Variants in TAOK3 observed in about 807,000 individuals in gnomAD.
The protein encoded by TAOK3 is TAO kinase 3.
A neutral mutation model predicts 120.4 loss-of-function variants in TAOK3; 40 were observed. The observed-to-expected ratio is 0.33, with a 90% CI of 0.26 to 0.43. The LOEUF is 0.43. Ranked by LOEUF, TAOK3 falls within the 20% of genes least tolerant of loss-of-function variation. The pLI, the probability that TAOK3 is intolerant of heterozygous loss-of-function variation, is 1.00. For missense variants in TAOK3, 821 were observed against 1,112.1 expected (o/e 0.74, Z 3.72); for synonymous variants, 355 against 387.5 (o/e 0.92, Z 0.99).
chr12:118,341,775 G>T (rs2044630004), intron 1 of TAOK3, among the ~76,000 whole-genome samples: 1 of 152,204 alleles, frequency 6.6e-6, no homozygotes, highest in African/African-American at 2.4e-5. Context: ...AATAATCCCA[G>T]CACTTTGGGA....
intron 1 of TAOK3, among the ~76,000 whole-genome samples, chr12:118,361,569 T>G (rs1263177726): frequency 2.8e-5 from 4 of 143,432 alleles, no homozygotes; most frequent in Non-Finnish European, 5.9e-5. Flanking sequence ...GCGATTCTCA[T>G]GCCTCAGCCT....
intron 17 of TAOK3, among the ~76,000 whole-genome samples, chr12:118,162,658 A>T (rs2035296957): frequency 6.6e-6 from 1 of 151,984 alleles, no homozygotes; most frequent in African/African-American, 2.4e-5. Flanking sequence ...AGTTCAAGGC[A>T]TGTTGGGGAA....
At chr12:118,344,416 C>T (rs1478466015) in intron 1 of TAOK3, among the ~76,000 whole-genome samples, 2 of 151,868 alleles carry the variant, frequency 1.3e-5, no homozygotes, top group Non-Finnish European at 2.9e-5. Flanking sequence ...GTAACACATC[C>T]ATTCATCTTG....
At chr12:118,166,741 CA>C (rs1035056711) in intron 17 of TAOK3, among the ~76,000 whole-genome samples, 1 of 151,196 alleles carries the variant, frequency 6.6e-6, no homozygotes, top group African/African-American at 2.4e-5. Flanking sequence ...ATGAGCTGAG[CA>C]AAAACTAAAA....
intron 3 of TAOK3, among the ~76,000 whole-genome samples, chr12:118,253,756 A>AAAC (rs1491548390): frequency 6.2e-3 from 6 of 966 alleles, no homozygotes; most frequent in African/African-American, 0.021. Flanking sequence ...ACAAACAAAC[A>AAAC]AAAAAAAAAA....
At chr12:118,355,707 T>C (rs2045363097) in intron 1 of TAOK3, among the ~76,000 whole-genome samples, 1 of 152,268 alleles carries the variant, frequency 6.6e-6, no homozygotes, top group Non-Finnish European at 1.5e-5. Flanking sequence ...GGTGAAGCTA[T>C]GAATGAGAAC....
intron 1 of TAOK3, among the ~76,000 whole-genome samples, chr12:118,344,548 C>T (rs113086508): frequency 2.4e-3 from 370 of 152,054 alleles, no homozygotes; most frequent in East Asian, 0.01. Flanking sequence ...TATTCAATAA[C>T]GCAAAAAATA....
At chr12:118,234,797 C>G (rs1374192147) in intron 8 of TAOK3, among the ~76,000 whole-genome samples, 1 of 152,160 alleles carries the variant, frequency 6.6e-6, no homozygotes, top group Non-Finnish European at 1.5e-5. Context: ...ATACTAAAAC[C>G]TACAAAAACC....
intron 1 of TAOK3, among the ~76,000 whole-genome samples, chr12:118,288,957 A>G (rs1418648333): frequency 1.3e-5 from 2 of 150,832 alleles, no homozygotes; most frequent in Non-Finnish European, 3.0e-5. Context: ...AAAGAAAGAT[A>G]GCATGCTTAG....
intron 17 of TAOK3, 32 bp from the exon 18 acceptor site, chr12:118,162,059 A>C (rs1451821562): frequency 7.5e-6 from 12 of 1,605,172 alleles, no homozygotes; most frequent in Non-Finnish European, 9.4e-6. Flanking sequence ...AAACGGAGAG[A>C]GGTGAATGGA....
chr12:118,356,968 A>C (rs1378659315), intron 1 of TAOK3, among the ~76,000 whole-genome samples: 1 of 152,182 alleles, frequency 6.6e-6, no homozygotes, highest in Non-Finnish European at 1.5e-5. Flanking sequence ...TTTAAGACTA[A>C]CTAGGTTGGT....
intron 2 of TAOK3, 27 bp from the exon 3 acceptor site, chr12:118,255,682 A>C (rs1040040442): frequency 3.6e-6 from 4 of 1,118,186 alleles, no homozygotes; most frequent in Non-Finnish European, 5.0e-6. Flanking sequence ...TTTGCCATTA[A>C]ATTATTTCTA....
intron 3 of TAOK3, among the ~76,000 whole-genome samples, chr12:118,247,891 T>A (rs1057379448): frequency 6.6e-6 from 1 of 152,192 alleles, no homozygotes; most frequent in African/African-American, 2.4e-5. Flanking sequence ...ATTAAAAGAT[T>A]ACCTCTGCAT....
Position 118,217,816 on chromosome 12 carries a change from C to CATAT in TAOK3, c.644-3710_644-3707dup, listed in dbSNP as rs57197721. Among the ~76,000 whole-genome samples, 430 of 45,800 alleles carry CATAT rather than the reference C, an allele frequency of 9.4e-3. 4 individuals are homozygous for CATAT. The highest frequency in any genetic ancestry group is 0.012 in the Admixed American group (35 of 2,868). The allele number at this position is 45,800 out of a possible 152,430, so 30.0% of individuals were successfully genotyped here. On this transcript the variant is annotated intron_variant, in intron 9 of 20. Coordinates refer to ENST00000392533, the MANE Select transcript of TAOK3 (RefSeq NM_016281.4). The stretch of plus-strand genomic sequence containing the variant: ...GTATGTATGTGTGTGTGTGTGTATA[C>CATAT]ATATATATATATATATATATATATA...
Position 118,150,250 on chromosome 12 carries a change from A to G in TAOK3, c.*747T>C, listed in dbSNP as rs1336969990. 6.6e-6 allele frequency: 1 copy of G among 152,638 alleles called. No homozygotes were observed. The highest frequency in any genetic ancestry group is 2.4e-5 in the African/African-American group (1 of 41,464). 9.5% of individuals were successfully genotyped at this position (152,638 alleles called of 1,614,324 possible). ...CAATTTGTGCTACTGGGATTCTGTG[A>G]GCTCCTTAAGTGTATTCACATCCTC... On this transcript the variant is annotated 3_prime_UTR_variant, in exon 21 of 21. Coordinates refer to ENST00000392533, the MANE Select transcript of TAOK3 (RefSeq NM_016281.4).
intron 9 of TAOK3, among the ~76,000 whole-genome samples, chr12:118,224,895 G>A (rs1490825686): frequency 4.6e-5 from 7 of 152,066 alleles, no homozygotes; most frequent in Non-Finnish European, 1.0e-4. Flanking sequence ...GGAAGAGAGA[G>A]ATATCAGAAC....
intron 6 of TAOK3, among the ~76,000 whole-genome samples, chr12:118,238,417 T>C (rs943401347): frequency 1.3e-5 from 2 of 152,192 alleles, no homozygotes; most frequent in African/African-American, 2.4e-5. Flanking sequence ...GATGCATTGT[T>C]AATTTACTTA....
intron 1 of TAOK3, among the ~76,000 whole-genome samples, chr12:118,339,223 G>A (rs1405546357): frequency 6.9e-6 from 1 of 145,246 alleles, no homozygotes; most frequent in East Asian, 2.1e-4. Flanking sequence ...GACAAGCTGA[G>A]AAACCAACAC....
intron 11 of TAOK3, among the ~76,000 whole-genome samples, chr12:118,206,547 C>T (rs541056146): frequency 3.9e-5 from 6 of 152,198 alleles, no homozygotes; most frequent in Admixed American, 6.5e-5. Flanking sequence ...AGGCCTTTGC[C>T]TTCACATCTC....
Sources: gnomAD v4.1 joint callset for allele counts (sites outside exome capture counted in the v4.1 genomes callset) on GRCh38, gnomAD v4.1.1 for gene constraint, MANE v1.5 for transcripts, NCBI Gene and HGNC (gene_info 2026-07-23, HGNC 2026-07-21) for gene names.